The following FAT4 variants were observed in gnomAD, a reference collection of about 807,000 sequenced individuals.
FAT4 encodes the protein protocadherin Fat 4.
A neutral mutation model predicts 303.9 loss-of-function variants in FAT4; 84 were observed. The observed-to-expected ratio is 0.28, with a 90% CI of 0.23 to 0.33. The LOEUF (loss-of-function observed/expected upper bound fraction) is 0.33, where lower values mean the gene tolerates loss of function less well. Ranked by LOEUF, FAT4 falls within the 10% of genes least tolerant of loss-of-function variation. The pLI, the probability that FAT4 is intolerant of heterozygous loss-of-function variation, is 1.00. For missense variants in FAT4, 6,005 were observed against 6,146.8 expected (o/e 0.98, Z 0.77); for synonymous variants, 2,307 against 2,298.8 (o/e 1.00, Z -0.10).
intron 7 of FAT4, among the ~76,000 whole-genome samples, chr4:125,423,399 G>A (rs1724975587): frequency 6.6e-6 from 1 of 152,118 alleles, no homozygotes; most frequent in Non-Finnish European, 1.5e-5. Context: ...GGCTAAAAGG[G>A]GCCAAGGTTC....
At chr4:125,474,867 A>C (rs1726974396) in intron 12 of FAT4, among the ~76,000 whole-genome samples, 1 of 152,078 alleles carries the variant, frequency 6.6e-6, no homozygotes, top group African/African-American at 2.4e-5. Flanking sequence ...TTGATATCCA[A>C]AACTTTGCAT....
At chr4:125,347,232 A>G (rs544437637) in intron 2 of FAT4, among the ~76,000 whole-genome samples, 4 of 150,620 alleles carry the variant, frequency 2.7e-5, no homozygotes, top group Non-Finnish European at 4.4e-5. Flanking sequence ...TATGGCATAT[A>G]TTATGTCTAT....
intron 2 of FAT4, among the ~76,000 whole-genome samples, chr4:125,374,046 C>T (rs1733225268): frequency 6.6e-6 from 1 of 152,124 alleles, no homozygotes; most frequent in Non-Finnish European, 1.5e-5. Flanking sequence ...CTCTACTAAC[C>T]TTGAAATCAG....
At chr4:125,372,850 G>A (rs1249657908) in intron 2 of FAT4, among the ~76,000 whole-genome samples, 1 of 152,100 alleles carries the variant, frequency 6.6e-6, no homozygotes, top group Non-Finnish European at 1.5e-5. Flanking sequence ...AAGTTGTCTT[G>A]ATCAATATCA....
intron 2 of FAT4, among the ~76,000 whole-genome samples, chr4:125,374,101 G>A (rs751579896): frequency 2.0e-5 from 3 of 152,138 alleles, no homozygotes; most frequent in Non-Finnish European, 2.9e-5. Context: ...TTATTCAAAG[G>A]CATCAGATGA....
intron 3 of FAT4, among the ~76,000 whole-genome samples, chr4:125,402,897 T>G (rs1483184570): frequency 6.6e-6 from 1 of 152,010 alleles, no homozygotes; most frequent in Non-Finnish European, 1.5e-5. Context: ...GTATATTAAA[T>G]TAAAGAGTAA....
chr4:125,443,101 T>G (rs999172971), intron 8 of FAT4, among the ~76,000 whole-genome samples: 4 of 152,112 alleles, frequency 2.6e-5, no homozygotes, highest in African/African-American at 9.7e-5. Flanking sequence ...TAAATGATCA[T>G]ATTCTCCCAG....
chr4:125,443,924 T>C (rs774320180), intron 8 of FAT4, among the ~76,000 whole-genome samples: 1 of 152,168 alleles, frequency 6.6e-6, no homozygotes, highest in Non-Finnish European at 1.5e-5. Flanking sequence ...AAATTAGAAG[T>C]ATAAATTTTC....
At chr4:125,395,425 T>C (rs1734131384) in intron 2 of FAT4, among the ~76,000 whole-genome samples, 1 of 152,184 alleles carries the variant, frequency 6.6e-6, no homozygotes, top group South Asian at 2.1e-4. Flanking sequence ...TTCTCCTGTC[T>C]CAGCCTCCTG....
chr4:125,431,981 A>G (rs1725298524), intron 7 of FAT4, among the ~76,000 whole-genome samples: 1 of 152,174 alleles, frequency 6.6e-6, no homozygotes, highest in African/African-American at 2.4e-5. Context: ...GTACTCAACA[A>G]TACACTCCAA....
chr4:125,383,133 A>C (rs1346363124), intron 2 of FAT4, among the ~76,000 whole-genome samples: 1 of 152,116 alleles, frequency 6.6e-6, no homozygotes, highest in Admixed American at 6.6e-5. Flanking sequence ...CTTCAGTATC[A>C]TTTCCTTTGC....
rs1448609625 is a variant in FAT4 at position 125,317,590 on chromosome 4, C to A, written c.1179C>A (p.Asn393Lys). The A allele has an allele frequency of 3.7e-6, 6 of 1,613,958 alleles. No individual in the cohort carries two copies. In the East Asian group the frequency reaches 1.3e-4, roughly 36 times the overall value. ...CAGATTCTCCCGCGGCCAACGGGAACATCTCCGTGCAAATTCTCGGGGGCA... is the reference window on the plus strand; with the variant it reads ...CAGATTCTCCCGCGGCCAACGGGAAAATCTCCGTGCAAATTCTCGGGGGCA... ...TDADSPAANG[N>K]ISVQILGGNE... Residue 393 changes from asparagine (N) to lysine (K), a missense_variant, in exon 2 of 18, where the codon AAC becomes AAA. Transcript: ENST00000394329. The surrounding 1 kb of genome is among the most constrained non-coding windows in gnomAD (Gnocchi z 7.0).
chr4:125,337,512 G>C (rs571411627), intron 2 of FAT4, among the ~76,000 whole-genome samples: 1 of 152,018 alleles, frequency 6.6e-6, no homozygotes, highest in African/African-American at 2.4e-5. Flanking sequence ...ATCAACATTT[G>C]CTTTTAATAA....
At chr4:125,482,476 A>G (rs1727262859) in intron 16 of FAT4, among the ~76,000 whole-genome samples, 1 of 152,052 alleles carries the variant, frequency 6.6e-6, no homozygotes, top group Non-Finnish European at 1.5e-5. Flanking sequence ...TTTTAAACCT[A>G]TGTTCTGCTT....
At chr4:125,352,217 T>G (rs2710547) in intron 2 of FAT4, among the ~76,000 whole-genome samples, 87,705 of 151,176 alleles carry the variant, frequency 0.58, 25,586 homozygotes, top group Admixed American at 0.66. Context: ...GTAATTACGT[T>G]AGTGGTAATT....
At chr4:125,407,831 A>C (rs1734681759) in intron 4 of FAT4, among the ~76,000 whole-genome samples, 1 of 152,046 alleles carries the variant, frequency 6.6e-6, no homozygotes, top group Non-Finnish European at 1.5e-5. Context: ...TTTTTATGTA[A>C]AATTAAAATT....
chr4:125,361,534 A>G (rs1216088368), intron 2 of FAT4, among the ~76,000 whole-genome samples: 5 of 151,958 alleles, frequency 3.3e-5, no homozygotes, highest in Non-Finnish European at 7.4e-5. Context: ...GTTCATTCAA[A>G]CTCTGCAACC....
At chr4:125,387,035 C>T (rs1013294660) in intron 2 of FAT4, among the ~76,000 whole-genome samples, 1 of 152,156 alleles carries the variant, frequency 6.6e-6, no homozygotes, top group Non-Finnish European at 1.5e-5. Flanking sequence ...GTCCACCCTT[C>T]TTTGAGAATC....
At position 125,319,292 on chromosome 4, in the gene FAT4, T is replaced by C. The variant is rs1477584664; in HGVS notation, c.2881T>C (p.Ser961Pro). 1 of 1,614,144 alleles carries C rather than the reference T, an allele frequency of 6.2e-7. No individual in the cohort carries two copies. The highest frequency in any genetic ancestry group is 8.5e-7 in the Non-Finnish European group (1 of 1,180,012). Residue 961 changes from serine to proline, a missense_variant, in exon 2 of 18, where the codon TCC becomes CCC. Coordinates refer to ENST00000394329, the MANE Select transcript of FAT4 (RefSeq NM_001291303.3). Reference protein sequence around the residue: ...LLGPLDVHAGSYQIEILASDM... With the variant: ...LLGPLDVHAGPYQIEILASDM... ...TGGGCCCCTGGATGTTCATGCTGGC[T>C]CCTACCAAATAGAGATCTTGGCATC...
Sources: gnomAD v4.1 joint callset for allele counts (sites outside exome capture counted in the v4.1 genomes callset) on GRCh38, gnomAD v4.1.1 for gene constraint, Gnocchi (gnomAD v3.1) non-coding constraint, MANE v1.5 for transcripts, NCBI Gene and HGNC (gene_info 2026-07-23, HGNC 2026-07-21) for gene names.